Variants in CMTM8 observed in about 807,000 individuals in gnomAD.
CMTM8 encodes the protein CKLF like MARVEL transmembrane domain containing 8, also known as CKLF-like MARVEL transmembrane domain-containing protein 8.
CMTM8 carries 12 observed loss-of-function variants against 18.6 expected under a neutral mutation model. That is an observed-to-expected ratio of 0.65 (90% CI 0.41 to 1.05). CMTM8 has a LOEUF of 1.05. Among genes scored for constraint, CMTM8 ranks in the 50% least tolerant of loss-of-function variants. The probability of loss-of-function intolerance (pLI) is 0.00; values close to 1 mark genes in which losing one functional copy is unlikely to be tolerated. For missense variants in CMTM8, 217 were observed against 227.2 expected (o/e 0.95, Z 0.29); for synonymous variants, 87 against 90.6 (o/e 0.96, Z 0.23).
Position 32,283,241 on chromosome 3 carries a change from T to A in CMTM8, c.147+44122T>A, listed in dbSNP as rs117331889. The stretch of plus-strand genomic sequence containing the variant: ...TTTAGCCTTGGGAAGCATGTGGTCA[T>A]CTTGTCCCTGCTATTACTGTTGTTA... On this transcript the variant is annotated intron_variant, in intron 1 of 3. Coordinates refer to ENST00000307526, the MANE Select transcript of CMTM8 (RefSeq NM_178868.5). 2.0e-5 allele frequency among the ~76,000 whole-genome samples: 3 copies of A among 152,352 alleles called. No individual in the cohort carries two copies. In the East Asian group the frequency reaches 5.8e-4, roughly 29 times the overall value.
chr3:32,258,960 C>T (rs1187820041), intron 1 of CMTM8: 4 of 338,634 alleles, frequency 1.2e-5, no homozygotes, highest in African/African-American at 2.2e-5. Context: ...CCACTCGTTC[C>T]ACCTTCTCCT....
At position 32,260,329 on chromosome 3, in the gene CMTM8, A is replaced by G. The variant is rs1476399461; in HGVS notation, c.147+21210A>G. 23 of 617,796 alleles carry G rather than the reference A, an allele frequency of 3.7e-5. No individual in the cohort carries two copies. The Middle Eastern group carries it at 2.2e-3, about 58-fold the overall frequency. 38.3% of individuals were successfully genotyped at this position (617,796 alleles called of 1,614,324 possible). A position where few individuals can be genotyped will look rare whatever the true frequency, so the allele number is the denominator to read the frequency against. The stretch of plus-strand genomic sequence containing the variant: ...TATTATCTCGCTAACAAAGCTAAAT[A>G]TAATGAACTATACGTTAATATTTTG... On this transcript the variant is annotated intron_variant, in intron 1 of 3. Transcript: ENST00000307526.
In CMTM8 at chr3:32,347,853, C is replaced by G. The variant is rs529819255; in HGVS notation, c.148-9520C>G. On this transcript the variant is annotated intron_variant, in intron 1 of 3. Transcript: ENST00000307526. Reference sequence around the variant, plus strand: ...CGATAAAAAGAAAGTAAAATGACATCAGGCATGGTGATGAGAGCCTTTAAC... The same window carrying G: ...CGATAAAAAGAAAGTAAAATGACATGAGGCATGGTGATGAGAGCCTTTAAC... 5.3e-5 allele frequency among the ~76,000 whole-genome samples: 8 copies of G among 152,238 alleles called. No homozygotes were observed. In the East Asian group the frequency reaches 1.5e-3, roughly 29 times the overall value.
chr3:32,238,910 G>A lies in CMTM8; in HGVS notation c.-63G>A. 1.4e-6 allele frequency: 2 copies of A among 1,464,950 alleles called. No individual in the cohort carries two copies. Among genetic ancestry groups the A allele is most frequent in the Non-Finnish European group, 1.8e-6 (2 of 1,104,154 alleles). The allele number at this position is 1,464,950 out of a possible 1,614,324, so 90.7% of individuals were successfully genotyped here. ...GCCTGTGTCCCCAGGGCGCAGGGCCGCGCGTCCAGCCCCAGACCCGCCGGG... is the reference window on the plus strand; with the variant it reads ...GCCTGTGTCCCCAGGGCGCAGGGCCACGCGTCCAGCCCCAGACCCGCCGGG... On this transcript the variant is annotated 5_prime_UTR_variant, in exon 1 of 4. Transcript: ENST00000307526.
intron 1 of CMTM8, among the ~76,000 whole-genome samples, chr3:32,315,701 G>A (rs76534073): frequency 0.02 from 3,099 of 152,266 alleles, 64 homozygotes; most frequent in East Asian, 0.05. Context: ...GCTTTTCCCA[G>A]ATTTGACCAT....
intron 1 of CMTM8, among the ~76,000 whole-genome samples, chr3:32,330,724 G>C (rs889211992): frequency 4.0e-5 from 6 of 151,456 alleles, no homozygotes; most frequent in African/African-American, 1.5e-4. Flanking sequence ...AACATACCAA[G>C]ACTACACAAT....
At chr3:32,340,744 A>C (rs540724772) in intron 1 of CMTM8, among the ~76,000 whole-genome samples, 2 of 152,162 alleles carry the variant, frequency 1.3e-5, no homozygotes, top group Non-Finnish European at 2.9e-5. Context: ...TACAAAACAG[A>C]CAGTGAGCCG....
At chr3:32,328,510 A>C (rs1453337075) in intron 1 of CMTM8, among the ~76,000 whole-genome samples, 3 of 148,834 alleles carry the variant, frequency 2.0e-5, no homozygotes, top group Admixed American at 6.7e-5. Context: ...TGATCGTGCC[A>C]CTGCACTCCA....
intron 1 of CMTM8, among the ~76,000 whole-genome samples, chr3:32,304,241 G>A (rs1048793596): frequency 3.2e-4 from 49 of 152,120 alleles, no homozygotes; most frequent in African/African-American, 1.2e-3. Context: ...CTTATAAAAG[G>A]GACCCTATTC....
intron 1 of CMTM8, among the ~76,000 whole-genome samples, chr3:32,354,045 A>C (rs1263269927): frequency 6.6e-6 from 1 of 151,934 alleles, no homozygotes; most frequent in African/African-American, 2.4e-5. Flanking sequence ...AGCCTCCCAA[A>C]GTGCTGGGAT....
intron 1 of CMTM8, among the ~76,000 whole-genome samples, chr3:32,341,207 G>A (rs1696484714): frequency 6.6e-6 from 1 of 152,198 alleles, no homozygotes; most frequent in Admixed American, 6.5e-5. Context: ...GGCAGCTGCC[G>A]GGCATCTTGT....
At position 32,334,845 on chromosome 3, in the gene CMTM8, G is replaced by C. The variant is rs150857101; in HGVS notation, c.148-22528G>C. 3.9e-5 allele frequency among the ~76,000 whole-genome samples: 6 copies of C among 152,242 alleles called. No individual in the cohort carries two copies. In the East Asian group the frequency reaches 1.2e-3, roughly 29 times the overall value. ...CAGGAAGATGTGTTGTTGCTACCCT[G>C]TGACATCCCCCGCTCATGCCTGCCC... is the stretch of plus-strand genomic sequence containing the variant. On this transcript the variant is annotated intron_variant, in intron 1 of 3. Coordinates refer to ENST00000307526, the MANE Select transcript of CMTM8 (RefSeq NM_178868.5).
chr3:32,296,954 T>C (rs970993781), intron 1 of CMTM8, among the ~76,000 whole-genome samples: 1 of 152,158 alleles, frequency 6.6e-6, no homozygotes, highest in Non-Finnish European at 1.5e-5. Context: ...TAAGGGATCC[T>C]GAGGATGCCT....
chr3:32,355,989 G>A (rs767289840), intron 1 of CMTM8, among the ~76,000 whole-genome samples: 6 of 152,028 alleles, frequency 3.9e-5, no homozygotes, highest in Non-Finnish European at 7.4e-5. Context: ...TTATCATACC[G>A]TTTACCTTCT....
chr3:32,369,957 C>T lies in CMTM8; in HGVS notation c.512C>T (p.Thr171Ile), dbSNP rs544796106. ...YFSFIAWRSR[T>I]IQ ...AGTTTTATAGCATGGAGATCCAGGA[C>T]CATACAGTGATTTACCATTTTGATA... Residue 171 changes from threonine (T) to isoleucine (I), a missense_variant, in exon 4 of 4, where the codon ACC becomes ATC. Physicochemically the swap from Thr to Ile is moderately conservative, Grantham distance 89. Transcript: ENST00000307526. 5 of 1,584,348 alleles carry T rather than the reference C, an allele frequency of 3.2e-6. No homozygotes were observed. The highest frequency in any genetic ancestry group is 2.6e-6 in the Non-Finnish European group (3 of 1,157,872).
At chr3:32,271,348 G>A (rs1006888155) in intron 1 of CMTM8, among the ~76,000 whole-genome samples, 1 of 152,154 alleles carries the variant, frequency 6.6e-6, no homozygotes, top group African/African-American at 2.4e-5. Flanking sequence ...TGGTCTCATC[G>A]ACCTCGGGTG....
chr3:32,311,710 C>G (rs955146926), intron 1 of CMTM8, among the ~76,000 whole-genome samples: 4 of 152,322 alleles, frequency 2.6e-5, no homozygotes, highest in South Asian at 2.1e-4. Context: ...CCAACCGATT[C>G]TCCACCAGCT....
At chr3:32,279,991 C>T (rs1702581777) in intron 1 of CMTM8, among the ~76,000 whole-genome samples, 1 of 151,974 alleles carries the variant, frequency 6.6e-6, no homozygotes, top group South Asian at 2.1e-4. Flanking sequence ...TGAGAAGTGT[C>T]TGTTATTAAT....
chr3:32,258,933 G>A (rs368458583), intron 1 of CMTM8: 14 of 312,342 alleles, frequency 4.5e-5, no homozygotes, highest in African/African-American at 1.5e-4. Context: ...CACTGCCCCC[G>A]GACAGCGTGA....
Sources: allele counts gnomAD v4.1 joint callset (sites outside exome capture counted in the v4.1 genomes callset), GRCh38; gene constraint gnomAD v4.1.1; transcripts MANE v1.5; gene names NCBI Gene and HGNC (gene_info 2026-07-23, HGNC 2026-07-21).